Variants in CNTNAP4 observed in about 807,000 individuals in gnomAD.
CNTNAP4 encodes the protein contactin associated protein family member 4.
A neutral mutation model predicts 148.4 loss-of-function variants in CNTNAP4; 98 were observed. The ratio of observed to expected loss-of-function variants is 0.66; its 90% confidence interval spans 0.56 to 0.78. CNTNAP4 has a LOEUF of 0.78. CNTNAP4 is among the 30% of genes least tolerant of loss of function. The pLI is 0.00. For missense variants in CNTNAP4, 1,935 were observed against 1,565.6 expected (o/e 1.24, Z -3.98); for synonymous variants, 730 against 565.1 (o/e 1.29, Z -4.14).
intron 7 of CNTNAP4, among the ~76,000 whole-genome samples, chr16:76,451,821 A>G (rs1389846878): frequency 2.0e-5 from 3 of 152,186 alleles, no homozygotes; most frequent in Non-Finnish European, 2.9e-5. Context: ...TCAATAGCAC[A>G]GTAGGGCGAC....
intron 1 of CNTNAP4, chr16:76,316,085 T>C (rs1394965262): frequency 5.0e-6 from 2 of 400,724 alleles, no homozygotes; most frequent in Non-Finnish European, 8.7e-6. Context: ...TTACAGTGTC[T>C]TTTGGAAACC....
chr16:76,529,764 A>G (rs916691479), intron 17 of CNTNAP4, among the ~76,000 whole-genome samples: 7 of 152,024 alleles, frequency 4.6e-5, no homozygotes, highest in South Asian at 4.1e-4. Flanking sequence ...AGAGTGAACA[A>G]TTTCTAAAAA....
In CNTNAP4 at chr16:76,307,539, T is replaced by TATATATGTATATAC. The variant is rs558814796; in HGVS notation, c.86-8873_86-8872insTATATGTATATACA. 2.5e-5 allele frequency among the ~76,000 whole-genome samples: 3 copies of TATATATGTATATAC among 119,378 alleles called. 1 individual carries two copies. Among genetic ancestry groups the TATATATGTATATAC allele is most frequent in the African/African-American group, 1.0e-4 (3 of 29,826 alleles). The allele number at this position is 119,378 out of a possible 152,430, so 78.3% of individuals were successfully genotyped here. On this transcript the variant is annotated intron_variant, in intron 1 of 23. Coordinates refer to ENST00000611870, the MANE Select transcript of CNTNAP4 (RefSeq NM_033401.5). ...ATATATATATATATATATATATATA[T>TATATATGTATATAC]ACCAAACTCCAGAAATGCTTACCCC...
intron 1 of CNTNAP4, among the ~76,000 whole-genome samples, chr16:76,299,644 G>T (rs1341872553): frequency 1.3e-5 from 2 of 152,208 alleles, no homozygotes; most frequent in East Asian, 3.9e-4. Context: ...CCCATTACTG[G>T]ATATATACCC....
In CNTNAP4 at chr16:76,452,549, C is replaced by G; in HGVS notation, c.1113C>G (p.Pro371=). The change falls in exon 8 of 24, where the codon CCC becomes CCG. Residue 371 remains proline (P), a synonymous_variant. Coordinates refer to ENST00000611870, the MANE Select transcript of CNTNAP4 (RefSeq NM_033401.5). ...CTTGTTCACAACCACAATCTATGCC[C>G]GTGACTTTTCTGAGCTCCAGGAGTT... The part of the protein sequence containing the change: ...SFSCSQPQSM[P]VTFLSSRSYL... The G allele has an allele frequency of 6.2e-7, 1 of 1,613,950 alleles. No individual in the cohort carries two copies. Among genetic ancestry groups the G allele is most frequent in the African/African-American group, 1.3e-5 (1 of 75,036 alleles).
chr16:76,432,071 G>C (rs545500139), intron 4 of CNTNAP4, among the ~76,000 whole-genome samples: 1 of 152,256 alleles, frequency 6.6e-6, no homozygotes, highest in South Asian at 2.1e-4. Flanking sequence ...AATAACAAAT[G>C]CGTGAAGTGC....
At position 76,522,706 on chromosome 16, in the gene CNTNAP4, C is replaced by G. The variant is rs576395509; in HGVS notation, c.2755+449C>G. On this transcript the variant is annotated intron_variant, in intron 17 of 23. Coordinates refer to ENST00000611870, the MANE Select transcript of CNTNAP4 (RefSeq NM_033401.5). ...TCTCTCCTTTCTTTTCTTTTCTTTT[C>G]TTTTCTTTTCTTTTCTTTTCTTTTC... is the stretch of plus-strand genomic sequence containing the variant. Among the ~76,000 whole-genome samples, 4 of 18,640 alleles carry G rather than the reference C, an allele frequency of 2.1e-4. No individual in the cohort carries two copies. The South Asian group carries it at 6.1e-3, about 29-fold the overall frequency. 12.2% of individuals were successfully genotyped at this position (18,640 alleles called of 152,430 possible). A position where few individuals can be genotyped will look rare whatever the true frequency, so the allele number is the denominator to read the frequency against.
intron 8 of CNTNAP4, among the ~76,000 whole-genome samples, chr16:76,453,457 G>T (rs1473744662): frequency 1.3e-5 from 2 of 152,142 alleles, no homozygotes; most frequent in African/African-American, 2.4e-5. Flanking sequence ...GGATGTTTTT[G>T]TCTCTTCATT....
At chr16:76,478,108 G>T (rs2081658099) in intron 11 of CNTNAP4, among the ~76,000 whole-genome samples, 1 of 149,978 alleles carries the variant, frequency 6.7e-6, no homozygotes, top group Admixed American at 6.8e-5. Context: ...AAACAGTCAT[G>T]TTTTAAAAAG....
chr16:76,374,706 A>G (rs749624749), intron 3 of CNTNAP4, among the ~76,000 whole-genome samples: 1 of 151,086 alleles, frequency 6.6e-6, no homozygotes, highest in African/African-American at 2.4e-5. Flanking sequence ...CATTTAATCC[A>G]TCTAAGTTGA....
At chr16:76,496,533 AT>A (rs1450727239) in intron 14 of CNTNAP4, among the ~76,000 whole-genome samples, 1 of 152,128 alleles carries the variant, frequency 6.6e-6, no homozygotes, top group Non-Finnish European at 1.5e-5. Flanking sequence ...AAGTAACCAA[AT>A]GTTGGCAGAA....
intron 21 of CNTNAP4, among the ~76,000 whole-genome samples, chr16:76,550,204 G>C (rs1160888752): frequency 6.6e-6 from 1 of 152,082 alleles, no homozygotes. Context: ...CCATCATATT[G>C]TCTAATTTGT....
chr16:76,348,188 C>T (rs79379580), intron 2 of CNTNAP4, among the ~76,000 whole-genome samples: 2 of 136,260 alleles, frequency 1.5e-5, no homozygotes, highest in South Asian at 4.8e-4. Context: ...AAGCGTGACT[C>T]TTTTTTTTTT....
intron 1 of CNTNAP4, among the ~76,000 whole-genome samples, chr16:76,288,357 G>C (rs1958973830): frequency 6.6e-6 from 1 of 152,140 alleles, no homozygotes; most frequent in Non-Finnish European, 1.5e-5. Context: ...CAGCATGAGA[G>C]CAAACTAATA....
At chr16:76,524,462 C>T (rs2083626211) in intron 17 of CNTNAP4, among the ~76,000 whole-genome samples, 1 of 152,144 alleles carries the variant, frequency 6.6e-6, no homozygotes, top group Non-Finnish European at 1.5e-5. Context: ...TCAAATTTTT[C>T]AGTGAAATAT....
chr16:76,403,744 C>T (rs377564687), intron 3 of CNTNAP4, among the ~76,000 whole-genome samples: 1 of 152,114 alleles, frequency 6.6e-6, no homozygotes, highest in Non-Finnish European at 1.5e-5. Flanking sequence ...GACACATGCA[C>T]GCAAATGTTT....
rs1280161870 is a variant in CNTNAP4 at position 76,498,652 on chromosome 16, G to A, written c.2323G>A (p.Glu775Lys). ...VITDTGRLHS[E>K]AAYKLGPLLC... ...TACAGACACAGGCCGACTGCATTCA[G>A]AAGCAGCTTATAAACTGGGGCCTCT... Residue 775 changes from glutamate (E) to lysine (K), a missense_variant, in exon 15 of 24, where the codon GAA becomes AAA. Transcript: ENST00000611870. 1.2e-6 allele frequency: 2 copies of A among 1,612,964 alleles called. No individual in the cohort carries two copies. Among genetic ancestry groups the A allele is most frequent in the Admixed American group, 1.7e-5 (1 of 59,904 alleles).
chr16:76,466,328 G>A (rs1011554993), intron 9 of CNTNAP4, among the ~76,000 whole-genome samples: 2 of 152,040 alleles, frequency 1.3e-5, no homozygotes, highest in African/African-American at 2.4e-5. Flanking sequence ...GAATGAATAA[G>A]ACCTACTATA....
At position 76,505,805 on chromosome 16, in the gene CNTNAP4, T is replaced by G. The variant is rs1025957875; in HGVS notation, c.2365+7111T>G. ...ATCCCAGGGCTATAGGAGGTCAAGG[T>G]GGGAGGATTGCTTGAGACTGGGAGC... On this transcript the variant is annotated intron_variant, in intron 15 of 23. Transcript: ENST00000611870. Among the ~76,000 whole-genome samples, 4 of 95,778 alleles carry G rather than the reference T, an allele frequency of 4.2e-5. 2 individuals carry two copies. In the East Asian group the frequency reaches 2.2e-3, roughly 53 times the overall value. 62.8% of individuals were successfully genotyped at this position (95,778 alleles called of 152,430 possible).
Sources: gnomAD v4.1 joint callset for allele counts (sites outside exome capture counted in the v4.1 genomes callset) on GRCh38, gnomAD v4.1.1 for gene constraint, MANE v1.5 for transcripts, NCBI Gene and HGNC (gene_info 2026-07-23, HGNC 2026-07-21) for gene names.